RYR3: variants seen among roughly 807,000 people sequenced by gnomAD.
RYR3 encodes the protein brain ryanodine receptor-calcium release channel.
Under a neutral mutation model 584.3 loss-of-function variants are expected in RYR3, and 207 were observed. The ratio of observed to expected loss-of-function variants is 0.35; its 90% CI spans 0.32 to 0.40. RYR3 has a LOEUF of 0.40. Among genes scored for constraint, RYR3 ranks in the 10% least tolerant of loss-of-function variants. The pLI is 1.00. For missense variants in RYR3, 5,616 were observed against 6,089.2 expected (o/e 0.92, Z 2.59); for synonymous variants, 2,416 against 2,248.5 (o/e 1.07, Z -2.11).
intron 1 of RYR3, among the ~76,000 whole-genome samples, chr15:33,376,214 G>A (rs1203712698): frequency 6.6e-6 from 1 of 152,122 alleles, no homozygotes; most frequent in African/African-American, 2.4e-5. Flanking sequence ...AGATGGATTA[G>A]TACCATATAT....
At chr15:33,725,994 A>AACC (rs67084115) in intron 45 of RYR3, among the ~76,000 whole-genome samples, 3 of 44,560 alleles carry the variant, frequency 6.7e-5, no homozygotes, top group Non-Finnish European at 1.9e-4. Flanking sequence ...AAAAAAAAAA[A>AACC]AAACAGAATT....
chr15:33,374,082 G>A (rs1052211268), intron 1 of RYR3, among the ~76,000 whole-genome samples: 1 of 152,042 alleles, frequency 6.6e-6, no homozygotes, highest in African/African-American at 2.4e-5. Context: ...TATTTTCCCT[G>A]TTAAATCTCT....
At chr15:33,633,340 T>C (rs1186457404) in intron 24 of RYR3, among the ~76,000 whole-genome samples, 1 of 152,190 alleles carries the variant, frequency 6.6e-6, no homozygotes, top group African/African-American at 2.4e-5. Context: ...CTGGTGAGGA[T>C]GAAATGGAGG....
rs76584468 is a variant in RYR3, at chr15:33,720,453, A to G, written c.6620-2262A>G. On this transcript the variant is annotated intron_variant, in intron 43 of 103. Coordinates refer to ENST00000634891, the MANE Select transcript of RYR3 (RefSeq NM_001036.6). ...GAGTTAGACTAATAGAGTCACTCTA[A>G]AACTAGATGGAGCATGCATATCTGA... 2.8e-4 allele frequency among the ~76,000 whole-genome samples: 43 copies of G among 152,350 alleles called. No individual in the cohort carries two copies. In the East Asian group the frequency reaches 8.1e-3, roughly 29 times the overall value.
At chr15:33,674,654 A>C (rs903720713) in intron 38 of RYR3, among the ~76,000 whole-genome samples, 1 of 152,182 alleles carries the variant, frequency 6.6e-6, no homozygotes, top group Non-Finnish European at 1.5e-5. Flanking sequence ...TAGGCAACTC[A>C]AAATAATCAT....
chr15:33,345,894 C>G (rs1237164238), intron 1 of RYR3, among the ~76,000 whole-genome samples: 3 of 152,168 alleles, frequency 2.0e-5, no homozygotes, highest in African/African-American at 7.2e-5. Flanking sequence ...ATACATTTCT[C>G]TAAATGCTTT....
intron 3 of RYR3, among the ~76,000 whole-genome samples, chr15:33,523,409 A>C (rs968180467): frequency 6.6e-6 from 1 of 152,122 alleles, no homozygotes; most frequent in African/African-American, 2.4e-5. Context: ...TCCTGAAGTC[A>C]GCGAGACCAC....
At chr15:33,767,309 C>T (rs1192551163) in intron 60 of RYR3, among the ~76,000 whole-genome samples, 1 of 132,080 alleles carries the variant, frequency 7.6e-6, no homozygotes, top group Non-Finnish European at 1.6e-5. Context: ...GCATCAACTA[C>T]CCGTCTCTGA....
chr15:33,410,924 C>T (rs928720458), intron 1 of RYR3, among the ~76,000 whole-genome samples: 1 of 152,200 alleles, frequency 6.6e-6, no homozygotes, highest in Non-Finnish European at 1.5e-5. Flanking sequence ...GGCAACAGAG[C>T]TTGTGCAAGG....
rs1285925281 is a variant in RYR3, at chr15:33,838,501, A to G, written c.12521A>G (p.Lys4174Arg). 1.2e-6 allele frequency: 2 copies of G among 1,614,020 alleles called. No individual in the cohort carries two copies. Among genetic ancestry groups the G allele is most frequent in the Non-Finnish European group, 8.5e-7 (1 of 1,179,882 alleles). Residue 4174 changes from lysine to arginine, a missense_variant, in exon 89 of 104, where the codon AAG becomes AGG. Around this residue, in one of 9 missense-constraint regions of RYR3, gnomAD observed 918 missense variants for 887.4 expected, o/e 1.03. Coordinates refer to ENST00000634891, the MANE Select transcript of RYR3 (RefSeq NM_001036.6). ...AGGAAGCAGTACAGGAACGTGAAAA[A>G]GATGACTGCGAAGGAGCTGGTGAAG... is the stretch of plus-strand genomic sequence containing the variant. ...NLRKQYRNVK[K>R]MTAKELVKVL... is the part of the protein sequence containing the mutation.
intron 87 of RYR3, among the ~76,000 whole-genome samples, 182 bp downstream of exon 87, chr15:33,835,254 G>A (rs896776439): frequency 3.3e-5 from 5 of 151,814 alleles, no homozygotes; most frequent in Admixed American, 6.5e-5. Context: ...TCGGAGGGGC[G>A]CGGGGTCCCA....
At chr15:33,573,225 G>A (rs1168238539) in intron 12 of RYR3, among the ~76,000 whole-genome samples, 2 of 152,142 alleles carry the variant, frequency 1.3e-5, no homozygotes, top group East Asian at 1.9e-4. Context: ...TATCAATGCT[G>A]AGGGGGTGTG....
intron 38 of RYR3, among the ~76,000 whole-genome samples, chr15:33,674,376 G>T (rs1009361522): frequency 6.6e-6 from 1 of 152,142 alleles, no homozygotes; most frequent in Admixed American, 6.5e-5. Flanking sequence ...CCTCTGTGAA[G>T]TCTTTCAAAC....
At chr15:33,430,517 T>C (rs1333359275) in intron 1 of RYR3, among the ~76,000 whole-genome samples, 1 of 152,142 alleles carries the variant, frequency 6.6e-6, no homozygotes, top group Non-Finnish European at 1.5e-5. Context: ...GGACGTGACC[T>C]CCTCCAGGCC....
chr15:33,726,581 C>T, intron 46 of RYR3, 75 bp downstream of exon 46: 2 of 1,449,452 alleles, frequency 1.4e-6, no homozygotes, highest in Non-Finnish European at 1.8e-6. Flanking sequence ...CTGTCCCCAG[C>T]ACAGTGGCCC....
chr15:33,722,991 C>T, intron 44 of RYR3, 96 bp downstream of exon 44: 2 of 1,132,542 alleles, frequency 1.8e-6, no homozygotes, highest in Non-Finnish European at 2.5e-6. Flanking sequence ...AGAGAAAGCA[C>T]ATGTTCTTAA....
At chr15:33,675,556 T>C (rs1010784085) in intron 38 of RYR3, among the ~76,000 whole-genome samples, 7 of 152,194 alleles carry the variant, frequency 4.6e-5, no homozygotes, top group Non-Finnish European at 1.0e-4. Context: ...TCTTAAGTTA[T>C]TAACTTCTCC....
intron 12 of RYR3, among the ~76,000 whole-genome samples, chr15:33,570,655 A>T (rs539716861): frequency 6.6e-6 from 1 of 152,282 alleles, no homozygotes; most frequent in Non-Finnish European, 1.5e-5. Flanking sequence ...TATTAAATTG[A>T]ATCTAGAGAT....
intron 45 of RYR3, among the ~76,000 whole-genome samples, chr15:33,725,739 C>G (rs564513422): frequency 1.3e-5 from 2 of 150,428 alleles, no homozygotes; most frequent in Admixed American, 1.3e-4. Flanking sequence ...ATGGGCAGAT[C>G]ACGAGGTCAG....
Sources: allele counts gnomAD v4.1 joint callset (sites outside exome capture counted in the v4.1 genomes callset), GRCh38; gene constraint gnomAD v4.1.1; regional missense constraint gnomAD v4.1.1; transcripts MANE v1.5; gene names NCBI Gene and HGNC (gene_info 2026-07-23, HGNC 2026-07-21).